ARHGEF33: variants seen among roughly 807,000 people sequenced by gnomAD.
ARHGEF33 encodes DH and coiled-coil domain-containing protein ENSP00000381780.
Under a neutral mutation model 101.9 loss-of-function variants are expected in ARHGEF33, and 72 were observed. That is an observed-to-expected ratio of 0.71 (90% CI 0.58 to 0.86). The LOEUF (loss-of-function observed/expected upper bound fraction) is 0.86. Among genes scored for constraint, ARHGEF33 ranks in the 40% least tolerant of loss-of-function variants. The pLI is 0.00. For missense variants in ARHGEF33, 1,169 were observed against 1,111.3 expected, an observed-to-expected ratio of 1.05 and a Z score of -0.74; for synonymous variants, 499 against 442.5, an observed-to-expected ratio of 1.13 and a Z score of -1.60.
chr2:38,905,027 C>A (rs1009129867), intron 2 of ARHGEF33, among the ~76,000 whole-genome samples: 1 of 152,030 alleles, frequency 6.6e-6, no homozygotes, highest in African/African-American at 2.4e-5. Context: ...AGTGGTGGTG[C>A]TAGTGGCAGA....
chr2:38,910,861 C>T (rs904707394), intron 2 of ARHGEF33, among the ~76,000 whole-genome samples: 6 of 152,104 alleles, frequency 3.9e-5, no homozygotes, highest in Non-Finnish European at 5.9e-5. Context: ...CCTTAAATTA[C>T]AGTACTTTGA....
chr2:38,914,054 A>G (rs1330643267), intron 2 of ARHGEF33, among the ~76,000 whole-genome samples: 3 of 152,212 alleles, frequency 2.0e-5, no homozygotes, highest in Non-Finnish European at 4.4e-5. Context: ...GCTATAAACT[A>G]TCACTTGTCA....
Position 38,955,131 on chromosome 2 carries a change from C to T in ARHGEF33, c.1221+675C>T, listed in dbSNP as rs192862679. Among the ~76,000 whole-genome samples, 62 of 152,278 alleles carry T rather than the reference C, an allele frequency of 4.1e-4. 1 individual carries two copies. Among genetic ancestry groups the T allele is most frequent in the Non-Finnish European group, 6.0e-4 (41 of 68,028 alleles). On this transcript the variant is annotated intron_variant, in intron 13 of 17. Transcript: ENST00000409978. Reference sequence around the variant, plus strand: ...TGCCACCACCTGACATCTAAATATCCATCTAACCTGTTCACTTAACTGCTA... The same window carrying T: ...TGCCACCACCTGACATCTAAATATCTATCTAACCTGTTCACTTAACTGCTA...
At chr2:38,902,194 C>T (rs1173280787) in intron 2 of ARHGEF33, among the ~76,000 whole-genome samples, 3 of 150,864 alleles carry the variant, frequency 2.0e-5, no homozygotes, top group Non-Finnish European at 4.4e-5. Context: ...TTTCAACTGG[C>T]TGAAGTATTA....
In ARHGEF33 at chr2:38,957,905, C is replaced by T. The variant is rs146353926; in HGVS notation, c.1371-129C>T. ...AGCAAAGCAACTTAGTTTGCAAAGG[C>T]CCCTGGAGATAGAGACCTTCACAGC... On this transcript the variant is annotated intron_variant, in intron 14 of 17. Transcript: ENST00000409978. 8.6e-5 allele frequency: 97 copies of T among 1,131,738 alleles called. 1 individual carries two copies. Among genetic ancestry groups the T allele is most frequent in the Non-Finnish European group, 1.1e-4 (90 of 793,324 alleles). 70.1% of individuals were successfully genotyped at this position (1,131,738 alleles called of 1,614,324 possible).
At chr2:38,917,512 C>T (rs2124989981) in intron 2 of ARHGEF33, among the ~76,000 whole-genome samples, 1 of 152,240 alleles carries the variant, frequency 6.6e-6, no homozygotes, top group South Asian at 2.1e-4. Flanking sequence ...CACAATTAAG[C>T]AGTAGAACAT....
chr2:38,944,499 T>C (rs1186692138), intron 10 of ARHGEF33, among the ~76,000 whole-genome samples: 2 of 152,096 alleles, frequency 1.3e-5, no homozygotes, highest in African/African-American at 4.8e-5. Flanking sequence ...TACTGTTGCA[T>C]TGGGGGTTAA....
At position 38,962,849 on chromosome 2, in the gene ARHGEF33, C is replaced by A. The variant is rs866921635; in HGVS notation, c.2343+2201C>A. 1.9e-3 allele frequency among the ~76,000 whole-genome samples: 107 copies of A among 56,112 alleles called. No individual in the cohort carries two copies. The highest frequency in any genetic ancestry group is 6.8e-3 in the South Asian group (8 of 1,172). 36.8% of individuals were successfully genotyped at this position (56,112 alleles called of 152,430 possible). ...TCAACACGGTGAAACCCCGTCTCTACAAAAAAAAAAAAAAAAAAAAAAAAA... is the reference window on the plus strand; with the variant it reads ...TCAACACGGTGAAACCCCGTCTCTAAAAAAAAAAAAAAAAAAAAAAAAAAA... On this transcript the variant is annotated intron_variant, in intron 16 of 17. Coordinates refer to ENST00000409978, the MANE Select transcript of ARHGEF33 (RefSeq NM_001145451.5).
chr2:38,944,394 A>AC (rs1365344891), intron 10 of ARHGEF33, among the ~76,000 whole-genome samples: 1 of 152,008 alleles, frequency 6.6e-6, no homozygotes, highest in Non-Finnish European at 1.5e-5. Flanking sequence ...GAGCAGGAGA[A>AC]CCCACTCCCT....
intron 4 of ARHGEF33, among the ~76,000 whole-genome samples, chr2:38,921,715 T>G (rs1004561355): frequency 2.0e-5 from 3 of 152,172 alleles, no homozygotes; most frequent in African/African-American, 7.2e-5. Flanking sequence ...TGAGCACCAC[T>G]GTGCCTGGCT....
At chr2:38,970,837 G>A (rs929818596) in intron 17 of ARHGEF33, among the ~76,000 whole-genome samples, 8 of 152,168 alleles carry the variant, frequency 5.3e-5, no homozygotes, top group African/African-American at 1.9e-4. Context: ...GCAGCTGTTT[G>A]GAATTCTCCT....
Position 38,946,870 on chromosome 2 carries a change from T to G in ARHGEF33, c.920+2840T>G, listed in dbSNP as rs527964727. Among the ~76,000 whole-genome samples, 23 of 152,218 alleles carry G rather than the reference T, an allele frequency of 1.5e-4. 1 individual carries two copies. The highest frequency in any genetic ancestry group is 5.5e-4 in the African/African-American group (23 of 41,534). ...CGAACTCCTGACCTCAAGTGATCTA[T>G]CCACCTCAGCCTCTCAAAGTGCTGG... is the stretch of plus-strand genomic sequence containing the variant. On this transcript the variant is annotated intron_variant, in intron 10 of 17. Transcript: ENST00000409978.
intron 1 of ARHGEF33, among the ~76,000 whole-genome samples, chr2:38,894,224 T>G (rs1666070683): frequency 6.6e-6 from 1 of 151,902 alleles, no homozygotes; most frequent in Non-Finnish European, 1.5e-5. Flanking sequence ...TTCCAGCTAC[T>G]CAGAGGCTGA....
rs1665994327 is a variant in ARHGEF33, at chr2:38,891,408, C to T, written c.-159+1422C>T. On this transcript the variant is annotated intron_variant, in intron 1 of 17. Coordinates refer to ENST00000409978, the MANE Select transcript of ARHGEF33 (RefSeq NM_001145451.5). The stretch of plus-strand genomic sequence containing the variant: ...CTCCCTTCCTCTCTCCCTCTTCCTT[C>T]CTTTCTTTTTCTTTAATGACAGCAG... Among the ~76,000 whole-genome samples the T allele has an allele frequency of 2.0e-5, 3 of 152,046 alleles. No individual in the cohort carries two copies. In the South Asian group the frequency reaches 6.2e-4, roughly 32 times the overall value.
At chr2:38,963,904 G>C (rs1443057226) in intron 16 of ARHGEF33, among the ~76,000 whole-genome samples, 6 of 152,152 alleles carry the variant, frequency 3.9e-5, no homozygotes, top group Non-Finnish European at 2.9e-5. Context: ...AGACTGCGGA[G>C]GGGGAGGTGG....
chr2:38,944,067 A>T (rs1352092650), intron 10 of ARHGEF33, 37 bp downstream of exon 10: 2 of 1,527,890 alleles, frequency 1.3e-6, no homozygotes, highest in Non-Finnish European at 1.8e-6. Flanking sequence ...TTTCAGATTG[A>T]TTAGGATTTA....
intron 2 of ARHGEF33, among the ~76,000 whole-genome samples, chr2:38,900,686 A>G (rs909173801): frequency 2.0e-5 from 3 of 152,106 alleles, no homozygotes; most frequent in African/African-American, 7.2e-5. Context: ...GTCCCATAGG[A>G]TATGGGGAGG....
intron 7 of ARHGEF33, among the ~76,000 whole-genome samples, chr2:38,931,872 CGTT>C (rs1484758292): frequency 6.6e-6 from 1 of 152,154 alleles, no homozygotes; most frequent in Non-Finnish European, 1.5e-5. Context: ...TAGATATTAA[CGTT>C]GTTTAGATGA....
chr2:38,948,943 C>T lies in ARHGEF33; in HGVS notation c.921-2046C>T, dbSNP rs539675351. On this transcript the variant is annotated intron_variant, in intron 10 of 17. Coordinates refer to ENST00000409978, the MANE Select transcript of ARHGEF33 (RefSeq NM_001145451.5). ...TCTTTGATCTCCTAAACCCACTGTTCCATTGTAAGCGCTCAGGTCAGGAGG... is the reference window on the plus strand; with the variant it reads ...TCTTTGATCTCCTAAACCCACTGTTTCATTGTAAGCGCTCAGGTCAGGAGG... Among the ~76,000 whole-genome samples, 8 of 152,304 alleles carry T rather than the reference C, an allele frequency of 5.3e-5. No homozygotes were observed. In the East Asian group the frequency reaches 1.4e-3, roughly 26 times the overall value.
Sources: allele counts gnomAD v4.1 joint callset (sites outside exome capture counted in the v4.1 genomes callset), GRCh38; gene constraint gnomAD v4.1.1; transcripts MANE v1.5; gene names NCBI Gene and HGNC (gene_info 2026-07-23, HGNC 2026-07-21).